Variants in EDIL3 observed in about 807,000 individuals in gnomAD.
EDIL3 encodes EGF like and discoidin domains 3, also known as EGF-like repeat and discoidin I-like domain-containing protein 3.
In EDIL3, 37 loss-of-function variants were observed where a neutral mutation model predicts 67.4. The ratio of observed to expected loss-of-function variants is 0.55; its 90% CI spans 0.42 to 0.72. The LOEUF (loss-of-function observed/expected upper bound fraction) is 0.72, where lower values mean the gene tolerates loss of function less well. Among genes scored for constraint, EDIL3 ranks in the 30% least tolerant of loss-of-function variants. The pLI is 0.00. For missense variants in EDIL3, 527 were observed against 586.3 expected (o/e 0.90, Z 1.04); for synonymous variants, 195 against 196.3 (o/e 0.99, Z 0.05).
intron 9 of EDIL3, among the ~76,000 whole-genome samples, chr5:83,986,165 T>C (rs534331947): frequency 7.9e-5 from 12 of 152,188 alleles, no homozygotes; most frequent in African/African-American, 2.6e-4. Flanking sequence ...ACAAACCACT[T>C]CAACAATAAA....
intron 3 of EDIL3, among the ~76,000 whole-genome samples, chr5:84,205,820 T>A (rs1580376255): frequency 6.6e-6 from 1 of 152,000 alleles, no homozygotes; most frequent in East Asian, 1.9e-4. Flanking sequence ...TTTATTAGTC[T>A]TGCTAGCGGT....
chr5:84,221,291 T>C (rs534638545), intron 3 of EDIL3, among the ~76,000 whole-genome samples: 3 of 152,142 alleles, frequency 2.0e-5, no homozygotes, highest in Admixed American at 6.5e-5. Context: ...AGATGATAGA[T>C]TATACAACTA....
intron 4 of EDIL3, among the ~76,000 whole-genome samples, chr5:84,145,298 G>T (rs973774276): frequency 2.6e-5 from 4 of 152,070 alleles, no homozygotes; most frequent in Non-Finnish European, 5.9e-5. Flanking sequence ...ATTAAATTAG[G>T]AAGAAACACA....
intron 4 of EDIL3, among the ~76,000 whole-genome samples, chr5:84,166,655 T>A (rs914442253): frequency 2.0e-5 from 3 of 152,108 alleles, no homozygotes; most frequent in Admixed American, 6.6e-5. Flanking sequence ...CAGATGGTGA[T>A]GAGTGCTAAG....
At chr5:84,150,362 T>C (rs1416908933) in intron 4 of EDIL3, among the ~76,000 whole-genome samples, 3 of 152,094 alleles carry the variant, frequency 2.0e-5, no homozygotes, top group Non-Finnish European at 4.4e-5. Context: ...AAACCACAGA[T>C]TGGGAGAACA....
intron 1 of EDIL3, among the ~76,000 whole-genome samples, chr5:84,359,883 A>G (rs553022318): frequency 4.6e-5 from 7 of 152,256 alleles, no homozygotes; most frequent in African/African-American, 1.4e-4. Context: ...TCACGCAACT[A>G]AACTCCTCTT....
intron 9 of EDIL3, among the ~76,000 whole-genome samples, chr5:84,037,988 G>GTTTTTTT (rs67762520): frequency 0.011 from 1,074 of 99,612 alleles, 142 homozygotes; most frequent in African/African-American, 0.038. Context: ...TTTCTTTCTT[G>GTTTTTTT]TTTTTTTTTT....
At chr5:84,017,953 A>AAATAAC (rs1319703139) in intron 9 of EDIL3, among the ~76,000 whole-genome samples, 18 of 152,194 alleles carry the variant, frequency 1.2e-4, no homozygotes, top group Non-Finnish European at 2.5e-4. Context: ...CCAGAGGAAC[A>AAATAAC]AATAACACTC....
intron 4 of EDIL3, among the ~76,000 whole-genome samples, chr5:84,160,592 G>A (rs1038109233): frequency 3.9e-5 from 6 of 152,008 alleles, no homozygotes; most frequent in Non-Finnish European, 8.8e-5. Flanking sequence ...TGCACGTGAA[G>A]CAGTTTTTAA....
intron 4 of EDIL3, among the ~76,000 whole-genome samples, chr5:84,170,876 C>T (rs529355097): frequency 6.6e-6 from 1 of 151,460 alleles, no homozygotes; most frequent in African/African-American, 2.4e-5. Flanking sequence ...CTCACTGCAA[C>T]CTCCACCTCC....
intron 5 of EDIL3, among the ~76,000 whole-genome samples, chr5:84,122,565 G>A (rs1449758868): frequency 6.6e-6 from 1 of 151,858 alleles, no homozygotes; most frequent in Non-Finnish European, 1.5e-5. Flanking sequence ...GAGAGGTTAA[G>A]TAACTCCCCT....
intron 9 of EDIL3, among the ~76,000 whole-genome samples, chr5:83,979,056 T>C (rs535411055): frequency 6.6e-6 from 1 of 152,142 alleles, no homozygotes; most frequent in South Asian, 2.1e-4. Flanking sequence ...CTAAGAACTA[T>C]GATAAATTGT....
chr5:84,119,170 TA>T (rs1451096122), intron 5 of EDIL3, among the ~76,000 whole-genome samples: 2 of 146,296 alleles, frequency 1.4e-5, no homozygotes, highest in Non-Finnish European at 3.0e-5. Context: ...ACACATGGTT[TA>T]AACATATGCT....
chr5:84,029,050 G>A (rs1745870431), intron 9 of EDIL3, among the ~76,000 whole-genome samples: 1 of 152,144 alleles, frequency 6.6e-6, no homozygotes, highest in Non-Finnish European at 1.5e-5. Flanking sequence ...GAGGTCAGGA[G>A]ATCGAGACCA....
At chr5:84,071,909 AT>A (rs1324481788) in intron 6 of EDIL3, among the ~76,000 whole-genome samples, 2 of 152,184 alleles carry the variant, frequency 1.3e-5, no homozygotes, top group Non-Finnish European at 2.9e-5. Context: ...AGACTCCAAT[AT>A]GCAGGAAACT....
chr5:84,040,318 G>C (rs2112212678), intron 9 of EDIL3, among the ~76,000 whole-genome samples: 1 of 152,116 alleles, frequency 6.6e-6, no homozygotes, highest in African/African-American at 2.4e-5. Context: ...TTAACAGACA[G>C]CAACAGTAAA....
At chr5:84,004,852 TAAGTA>T (rs1479972097) in intron 9 of EDIL3, among the ~76,000 whole-genome samples, 7 of 151,908 alleles carry the variant, frequency 4.6e-5, no homozygotes, top group African/African-American at 1.7e-4. Context: ...TCAACTGAAT[TAAGTA>T]GAGATGAGAG....
At chr5:84,241,835 T>C (rs1744799272) in intron 2 of EDIL3, among the ~76,000 whole-genome samples, 1 of 152,060 alleles carries the variant, frequency 6.6e-6, no homozygotes, top group African/African-American at 2.4e-5. Context: ...ATATAAGGTT[T>C]AATTATTTAT....
intron 4 of EDIL3, among the ~76,000 whole-genome samples, chr5:84,160,751 TTTCCTTTCCTTTCCTTTCCTTTCCTTTC>T (rs1748590796): frequency 6.1e-5 from 1 of 16,448 alleles, no homozygotes; most frequent in Admixed American, 9.0e-4. Flanking sequence ...TTTTCTTTCC[TTTCCTTTCCTTTCCTTTCCTTTCCTTTC>T]CTTTCCTTTC....
Sources: gnomAD v4.1 joint callset for allele counts (sites outside exome capture counted in the v4.1 genomes callset) on GRCh38, gnomAD v4.1.1 for gene constraint, MANE v1.5 for transcripts, NCBI Gene and HGNC (gene_info 2026-07-23, HGNC 2026-07-21) for gene names.